Variants in C12orf54 observed in about 807,000 individuals in gnomAD.
C12orf54 encodes the protein uncharacterized protein C12orf54.
Under a neutral mutation model 26.4 loss-of-function variants are expected in C12orf54, and 24 were observed. That is an observed-to-expected ratio of 0.91 (90% CI 0.66 to 1.28). C12orf54 has a LOEUF of 1.28. Among genes scored for constraint, C12orf54 ranks in the 50% most tolerant of loss-of-function variants. C12orf54 has a pLI of 0.00. For synonymous variants in C12orf54, 54 were observed against 47.0 expected, an observed-to-expected ratio of 1.15 and a Z score of -0.61; for missense variants, 154 against 150.9, an observed-to-expected ratio of 1.02 and a Z score of -0.11.
At chr12:48,415,608 T>G in the C12orf54 span, among the ~76,000 whole-genome samples, 1 of 152,190 alleles carries the variant, frequency 6.6e-6, no homozygotes, top group South Asian at 2.1e-4. Context: ...TTTCTCTTGG[T>G]GGATCATCCT....
At chr12:48,426,596 A>G in the C12orf54 span, among the ~76,000 whole-genome samples, 5 of 152,066 alleles carry the variant, frequency 3.3e-5, no homozygotes, top group African/African-American at 1.2e-4. Flanking sequence ...GAATTTTAAA[A>G]TTGTTGTTTC....
At chr12:48,419,737 G>A in the C12orf54 span, among the ~76,000 whole-genome samples, 1 of 152,208 alleles carries the variant, frequency 6.6e-6, no homozygotes, top group Non-Finnish European at 1.5e-5. Flanking sequence ...AGATATCAAG[G>A]CTGACATAAC....
chr12:48,464,441 A>C, the C12orf54 span, among the ~76,000 whole-genome samples: 1 of 152,202 alleles, frequency 6.6e-6, no homozygotes, highest in Non-Finnish European at 1.5e-5. Context: ...AACAAATGGA[A>C]AAACATTCCA....
At chr12:48,429,317 T>G in the C12orf54 span, among the ~76,000 whole-genome samples, 2 of 151,796 alleles carry the variant, frequency 1.3e-5, no homozygotes, top group East Asian at 3.9e-4. Flanking sequence ...GTCCTAGTCA[T>G]AGCAATCAGA....
chr12:48,418,032 T>A, the C12orf54 span, among the ~76,000 whole-genome samples: 1 of 152,164 alleles, frequency 6.6e-6, no homozygotes, highest in Non-Finnish European at 1.5e-5. Flanking sequence ...AAAAAAAATT[T>A]AGATAGAAAA....
rs115430951 is a variant in C12orf54, at chr12:48,490,013, C to T, written c.169-799C>T. Among the ~76,000 whole-genome samples, 378 of 152,208 alleles carry T rather than the reference C, an allele frequency of 2.5e-3. 2 individuals carry two copies. Among genetic ancestry groups the T allele is most frequent in the African/African-American group, 8.0e-3 (331 of 41,530 alleles). ...CTGGGATTACAGACATGAGCCACCC[C>T]GCTCAGCCAAGAAGGGATTTTTTAA... On this transcript the variant is annotated intron_variant, in intron 5 of 8. Coordinates refer to ENST00000548364, the MANE Select transcript of C12orf54 (RefSeq NM_152319.4).
the C12orf54 span, among the ~76,000 whole-genome samples, chr12:48,413,656 T>C: frequency 3.3e-5 from 5 of 152,356 alleles, no homozygotes; most frequent in East Asian, 7.7e-4. Context: ...GAGTAAATCT[T>C]TGTAGACACA....
At chr12:48,476,445 A>G in the C12orf54 span, among the ~76,000 whole-genome samples, 1 of 152,192 alleles carries the variant, frequency 6.6e-6, no homozygotes, top group Admixed American at 6.5e-5. Context: ...AAAGACACAG[A>G]CTGGCAAATT....
chr12:48,436,899 T>A, the C12orf54 span, among the ~76,000 whole-genome samples: 6 of 152,102 alleles, frequency 3.9e-5, no homozygotes, highest in African/African-American at 1.4e-4. Context: ...AATAAATAAC[T>A]AAGATCAGAG....
chr12:48,476,892 G>T, the C12orf54 span, among the ~76,000 whole-genome samples: 3 of 152,012 alleles, frequency 2.0e-5, no homozygotes, highest in African/African-American at 7.3e-5. Context: ...TGCACCAAGC[G>T]GACCTAATAG....
intron 7 of C12orf54, among the ~76,000 whole-genome samples, chr12:48,493,418 T>A (rs1371269689): frequency 6.6e-6 from 1 of 152,052 alleles, no homozygotes; most frequent in Admixed American, 6.6e-5. Context: ...GTTGGATCGC[T>A]TGAGCCCAGG....
intron 5 of C12orf54, among the ~76,000 whole-genome samples, chr12:48,490,372 G>T (rs1224068691): frequency 6.6e-6 from 1 of 152,168 alleles, no homozygotes; most frequent in African/African-American, 2.4e-5. Context: ...TTTTGGCCAG[G>T]CAGGGTGGCC....
the C12orf54 span, among the ~76,000 whole-genome samples, chr12:48,448,163 G>C: frequency 3.3e-5 from 5 of 152,198 alleles, no homozygotes; most frequent in Non-Finnish European, 5.9e-5. Context: ...GACTCTGACA[G>C]AGAAACCATG....
chr12:48,430,290 A>G, the C12orf54 span, among the ~76,000 whole-genome samples: 1 of 152,226 alleles, frequency 6.6e-6, no homozygotes, highest in Non-Finnish European at 1.5e-5. Flanking sequence ...CAATAAAAAC[A>G]AAGATAAATA....
At chr12:48,447,747 G>A in the C12orf54 span, among the ~76,000 whole-genome samples, 1 of 152,122 alleles carries the variant, frequency 6.6e-6, no homozygotes, top group Non-Finnish European at 1.5e-5. Flanking sequence ...CATGGCAAAA[G>A]AGATTTTGCA....
chr12:48,472,657 C>T, the C12orf54 span: 290 of 1,613,802 alleles, frequency 1.8e-4, no homozygotes, highest in Middle Eastern at 8.2e-4. Context: ...GCAGAGAAAG[C>T]GTGAGAGATG....
chr12:48,488,321 C>G (rs1937703855), intron 4 of C12orf54: 18 of 542,844 alleles, frequency 3.3e-5, no homozygotes, highest in South Asian at 3.0e-4. Flanking sequence ...ACAGAGATAC[C>G]TACAGACAGA....
the C12orf54 span, among the ~76,000 whole-genome samples, chr12:48,453,205 G>T: frequency 3.3e-5 from 5 of 152,220 alleles, no homozygotes; most frequent in East Asian, 9.7e-4. Flanking sequence ...GATGGAGCTG[G>T]AGACCATTAT....
At chr12:48,440,045 C>A in the C12orf54 span, among the ~76,000 whole-genome samples, 12 of 151,776 alleles carry the variant, frequency 7.9e-5, no homozygotes, top group African/African-American at 2.7e-4. Flanking sequence ...GCCAACATGG[C>A]GAAACCCTGT....
Sources: allele counts gnomAD v4.1 joint callset (sites outside exome capture counted in the v4.1 genomes callset), GRCh38; gene constraint gnomAD v4.1.1; transcripts MANE v1.5; gene names NCBI Gene and HGNC (gene_info 2026-07-23, HGNC 2026-07-21).